The following RBM6 variants were observed in gnomAD, a reference collection of about 807,000 sequenced individuals.
RBM6 encodes the protein RNA binding motif protein 6.
Under a neutral mutation model 140.4 loss-of-function variants are expected in RBM6, and 23 were observed. The observed-to-expected ratio is 0.16, with a 90% CI of 0.12 to 0.23. The LOEUF is 0.23. Among genes scored for constraint, RBM6 ranks in the 10% least tolerant of loss-of-function variants. The pLI is 1.00. For synonymous variants in RBM6, 439 were observed against 475.6 expected (o/e 0.92, Z 1.00); for missense variants, 1,139 against 1,386.7 (o/e 0.82, Z 2.84).
chr3:49,973,391 A>G (rs563164320), intron 4 of RBM6, among the ~76,000 whole-genome samples: 111 of 152,150 alleles, frequency 7.3e-4, no homozygotes, highest in African/African-American at 2.5e-3. Flanking sequence ...ATATGGGGAA[A>G]TGAACTGCCC....
intron 6 of RBM6, among the ~76,000 whole-genome samples, chr3:50,008,664 C>T (rs1575676348): frequency 6.8e-6 from 1 of 146,816 alleles, no homozygotes; most frequent in Admixed American, 7.2e-5. Flanking sequence ...AGCGATTCTC[C>T]TGCCTTGGCC....
At position 50,070,494 on chromosome 3, in the gene RBM6, C is replaced by T; in HGVS notation, c.3058C>T (p.Leu1020Phe). The T allele has an allele frequency of 1.9e-6, 3 of 1,614,070 alleles. No individual in the cohort carries two copies. The highest frequency in any genetic ancestry group is 2.5e-6 in the Non-Finnish European group (3 of 1,179,960). The change falls in exon 19 of 21, where the codon CTC becomes TTC. Residue 1020 changes from leucine to phenylalanine, a missense_variant. Physicochemically the swap from Leu to Phe is conservative, Grantham distance 22. Around this residue, in one of 9 missense-constraint regions of RBM6, gnomAD observed 125 missense variants for 142.0 expected, o/e 0.88. Transcript: ENST00000266022. ...AAGAGGAAATGATCGCAGGGAAAAG[C>T]TCCAGTCTTTTGACTCTCCAGAAAG... Reference protein sequence around the residue: ...KGRGNDRREKLQSFDSPERKR... With the variant: ...KGRGNDRREKFQSFDSPERKR...
At chr3:49,957,980 C>T (rs965965511) in intron 1 of RBM6, among the ~76,000 whole-genome samples, 2 of 152,032 alleles carry the variant, frequency 1.3e-5, no homozygotes, top group Admixed American at 6.6e-5. Flanking sequence ...TGTAGTTGTA[C>T]GCCACCACAC....
intron 4 of RBM6, 68 bp from the exon 5 acceptor site, chr3:49,975,255 A>G (rs2108654955): frequency 3.0e-6 from 4 of 1,315,342 alleles, no homozygotes; most frequent in Non-Finnish European, 4.4e-6. Flanking sequence ...AAAAACTGTT[A>G]GGGAAAATCT....
intron 19 of RBM6, 140 bp from the exon 20 acceptor site, chr3:50,075,061 C>A: frequency 1.1e-6 from 1 of 948,026 alleles, no homozygotes; most frequent in Admixed American, 2.9e-5. Flanking sequence ...GAGGCTGAGG[C>A]AGGAGAATCG....
chr3:49,989,787 A>G lies in RBM6; in HGVS notation c.1484-9653A>G, dbSNP rs1236731642. ...TACAGAGTCTCTCCCACTGTCACCCAGGCTGGAGTGGTGCAGTGGCATCAT... is the reference window on the plus strand; with the variant it reads ...TACAGAGTCTCTCCCACTGTCACCCGGGCTGGAGTGGTGCAGTGGCATCAT... On this transcript the variant is annotated intron_variant, in intron 5 of 20. Coordinates refer to ENST00000266022, the MANE Select transcript of RBM6 (RefSeq NM_005777.3). Among the ~76,000 whole-genome samples the G allele has an allele frequency of 2.0e-5, 3 of 152,136 alleles. No homozygotes were observed. In the East Asian group the frequency reaches 5.8e-4, roughly 29 times the overall value.
chr3:49,988,225 A>C (rs1374011480), intron 5 of RBM6, among the ~76,000 whole-genome samples: 1 of 151,878 alleles, frequency 6.6e-6, no homozygotes, highest in African/African-American at 2.4e-5. Flanking sequence ...TGTCTCTGCA[A>C]CCTCAATCTC....
chr3:49,969,737 A>G (rs1177246773), intron 3 of RBM6, among the ~76,000 whole-genome samples: 1 of 150,112 alleles, frequency 6.7e-6, no homozygotes, highest in Non-Finnish European at 1.5e-5. Context: ...AGCTGGAACT[A>G]CAGATGTGCG....
chr3:49,976,337 A>ATT (rs1026499253), intron 5 of RBM6, among the ~76,000 whole-genome samples: 7 of 152,222 alleles, frequency 4.6e-5, no homozygotes, highest in African/African-American at 1.7e-4. Flanking sequence ...CACAAAATAA[A>ATT]TTTTGGTGCT....
intron 1 of RBM6, among the ~76,000 whole-genome samples, chr3:49,953,523 C>T (rs1161442296): frequency 3.1e-5 from 4 of 131,052 alleles, no homozygotes; most frequent in Non-Finnish European, 6.6e-5. Context: ...CGAACCTGGC[C>T]TTTTTTTTTT....
intron 6 of RBM6, among the ~76,000 whole-genome samples, chr3:50,021,359 G>A (rs2087470207): frequency 6.6e-6 from 1 of 152,212 alleles, no homozygotes; most frequent in African/African-American, 2.4e-5. Context: ...TACATTTAAG[G>A]CTGGGTGCAG....
intron 8 of RBM6, 148 bp downstream of exon 8, chr3:50,054,543 T>A: frequency 1.4e-6 from 1 of 719,486 alleles, no homozygotes; most frequent in East Asian, 2.7e-5. Context: ...TCTCGCTGTG[T>A]TGCCCAGGCT....
At chr3:49,991,294 T>TA (rs2085810989) in intron 5 of RBM6, among the ~76,000 whole-genome samples, 2 of 152,172 alleles carry the variant, frequency 1.3e-5, no homozygotes, top group Non-Finnish European at 2.9e-5. Context: ...ATCAGGAAGC[T>TA]CTCTGAGCCC....
chr3:50,067,186 CAAAAAA>C (rs751552449), intron 17 of RBM6, among the ~76,000 whole-genome samples: 6 of 19,556 alleles, frequency 3.1e-4, no homozygotes, highest in African/African-American at 4.6e-4. Flanking sequence ...GACTCTATCT[CAAAAAA>C]AAAAAAAAAA....
intron 6 of RBM6, among the ~76,000 whole-genome samples, chr3:50,035,823 T>C (rs921576992): frequency 6.6e-6 from 1 of 151,960 alleles, no homozygotes; most frequent in African/African-American, 2.4e-5. Flanking sequence ...CGCAGTGGCG[T>C]GATTTCGGCT....
At chr3:50,031,739 CCTA>C (rs2088179249) in intron 6 of RBM6, among the ~76,000 whole-genome samples, 1 of 151,956 alleles carries the variant, frequency 6.6e-6, no homozygotes, top group Non-Finnish European at 1.5e-5. Context: ...AAAAAAAAGA[CCTA>C]CTATTTGATA....
chr3:50,058,120 C>A, intron 9 of RBM6, 117 bp downstream of exon 9: 2 of 1,283,546 alleles, frequency 1.6e-6, no homozygotes, highest in Non-Finnish European at 2.1e-6. Context: ...TGTGCATGAC[C>A]TGATGACAGA....
At chr3:49,947,081 CAAAAA>C (rs1186088231) in intron 1 of RBM6, among the ~76,000 whole-genome samples, 3 of 106,032 alleles carry the variant, frequency 2.8e-5, no homozygotes, top group Admixed American at 1.1e-4. Flanking sequence ...ACTAAAAATA[CAAAAA>C]AAAAAAAAAA....
At chr3:50,001,230 C>T (rs922241040) in intron 6 of RBM6, among the ~76,000 whole-genome samples, 4 of 152,002 alleles carry the variant, frequency 2.6e-5, no homozygotes, top group African/African-American at 7.2e-5. Flanking sequence ...TTGGGAGGCC[C>T]GGGTGGGAGG....
Sources: gnomAD v4.1 joint callset for allele counts (sites outside exome capture counted in the v4.1 genomes callset) on GRCh38, gnomAD v4.1.1 for gene constraint, gnomAD v4.1.1 regional missense constraint, MANE v1.5 for transcripts, NCBI Gene and HGNC (gene_info 2026-07-23, HGNC 2026-07-21) for gene names.